Variants in TRPM3 observed in about 807,000 individuals in gnomAD.
TRPM3 encodes the protein long transient receptor potential channel 3.
In TRPM3, 77 loss-of-function variants were observed where a neutral mutation model predicts 181.2. The observed-to-expected ratio is 0.42, with a 90% confidence interval of 0.35 to 0.51. The LOEUF is 0.51. TRPM3 is among the 20% of genes least tolerant of loss of function. TRPM3 has a pLI of 0.01. For synonymous variants in TRPM3, 745 were observed against 796.4 expected, an observed-to-expected ratio of 0.94 and a Z score of 1.09; for missense variants, 1,759 against 2,196.7, an observed-to-expected ratio of 0.80 and a Z score of 3.98.
intron 1 of TRPM3, among the ~76,000 whole-genome samples, chr9:70,888,141 G>A (rs552903215): frequency 6.6e-6 from 1 of 152,234 alleles, no homozygotes; most frequent in Non-Finnish European, 1.5e-5. Context: ...AACCAAGAAG[G>A]CGTATTAACT....
intron 1 of TRPM3, among the ~76,000 whole-genome samples, chr9:71,176,663 C>T (rs1267333010): frequency 1.3e-5 from 2 of 152,026 alleles, no homozygotes; most frequent in African/African-American, 4.8e-5. Flanking sequence ...CCTTCACATT[C>T]ACTCACCACT....
Position 71,394,303 on chromosome 9 carries a change from A to G in TRPM3, c.183+52350T>C, listed in dbSNP as rs1398804136. ...TAATTTTAAATTTAAAAAACAGGAA[A>G]CTAAATTGTGTATATTGTATGACTT... On this transcript the variant is annotated intron_variant, in intron 1 of 24. Coordinates refer to the TRPM3 transcript ENST00000357533. Among the ~76,000 whole-genome samples the G allele has an allele frequency of 2.6e-5, 4 of 152,204 alleles. No homozygotes were observed. In the East Asian group the frequency reaches 7.7e-4, roughly 29 times the overall value.
At chr9:70,603,767 T>A (rs1376588271) in intron 19 of TRPM3, among the ~76,000 whole-genome samples, 1 of 152,190 alleles carries the variant, frequency 6.6e-6, no homozygotes, top group Non-Finnish European at 1.5e-5. Context: ...TTTTTGTGTG[T>A]TTTCTTGGCT....
At chr9:71,130,757 G>C (rs561403110) in intron 1 of TRPM3, among the ~76,000 whole-genome samples, 1 of 152,104 alleles carries the variant, frequency 6.6e-6, no homozygotes, top group South Asian at 2.1e-4. Flanking sequence ...ACAACCAGCT[G>C]TCTCTGGGAA....
At chr9:71,239,987 G>A (rs973011852) in intron 1 of TRPM3, among the ~76,000 whole-genome samples, 1 of 152,118 alleles carries the variant, frequency 6.6e-6, no homozygotes, top group African/African-American at 2.4e-5. Flanking sequence ...AATTAGGGCA[G>A]CCTGTGGAAT....
intron 1 of TRPM3, among the ~76,000 whole-genome samples, chr9:71,040,678 C>T (rs997850258): frequency 2.0e-5 from 3 of 152,030 alleles, no homozygotes; most frequent in African/African-American, 7.2e-5. Flanking sequence ...CAGAGAAGAA[C>T]AGAAGACAAA....
intron 8 of TRPM3, among the ~76,000 whole-genome samples, chr9:70,740,637 A>G (rs1323925687): frequency 6.6e-6 from 1 of 152,226 alleles, no homozygotes; most frequent in African/African-American, 2.4e-5. Flanking sequence ...TGGCACATAA[A>G]CCAATGGAAC....
chr9:71,197,017 C>T lies in TRPM3; in HGVS notation c.183+249636G>A, dbSNP rs150835583. Among the ~76,000 whole-genome samples the T allele has an allele frequency of 5.7e-3, 864 of 152,138 alleles. 13 individuals carry two copies. Among genetic ancestry groups the T allele is most frequent in the African/African-American group, 0.02 (830 of 41,524 alleles). ...ATATCTCCCAATGCTATCTCTCCCC[C>T]GACTTCCCACACCCCACAAGAGTCC... On this transcript the variant is annotated intron_variant, in intron 1 of 24. Transcript: ENST00000357533.
intron 1 of TRPM3, among the ~76,000 whole-genome samples, chr9:71,324,498 A>G (rs1433714152): frequency 1.3e-5 from 2 of 151,770 alleles, no homozygotes; most frequent in African/African-American, 4.8e-5. Flanking sequence ...AGAAAAGGGA[A>G]CTCTTATACA....
intron 9 of TRPM3, among the ~76,000 whole-genome samples, chr9:70,667,627 G>A (rs2062026051): frequency 6.6e-6 from 1 of 152,146 alleles, no homozygotes; most frequent in Admixed American, 6.5e-5. Context: ...CATTCTGTCT[G>A]CTTCTTAAAA....
chr9:71,150,961 G>A (rs1394921836), intron 1 of TRPM3, among the ~76,000 whole-genome samples: 1 of 152,124 alleles, frequency 6.6e-6, no homozygotes, highest in Non-Finnish European at 1.5e-5. Context: ...GATATAAGTG[G>A]CATGCTGAAT....
chr9:71,046,558 T>C (rs1367887837), intron 1 of TRPM3, among the ~76,000 whole-genome samples: 1 of 152,186 alleles, frequency 6.6e-6, no homozygotes, highest in African/African-American at 2.4e-5. Context: ...TCCAAAAGGA[T>C]TTCCAGGTTA....
At chr9:71,032,066 ATTAT>A (rs1301697733) in intron 1 of TRPM3, among the ~76,000 whole-genome samples, 138 of 7,320 alleles carry the variant, frequency 0.019, 28 homozygotes, top group East Asian at 0.25. Flanking sequence ...TATTATATAT[ATTAT>A]ATTATATTAT....
chr9:71,222,155 A>T (rs1381352618), intron 1 of TRPM3, among the ~76,000 whole-genome samples: 1 of 152,260 alleles, frequency 6.6e-6, no homozygotes, highest in Non-Finnish European at 1.5e-5. Context: ...TAAATAGATA[A>T]TGAACAAATG....
chr9:71,302,898 C>T (rs976006096), intron 1 of TRPM3, among the ~76,000 whole-genome samples: 19 of 151,828 alleles, frequency 1.3e-4, no homozygotes, highest in African/African-American at 4.4e-4. Flanking sequence ...AAGAAAAAAG[C>T]ATAGTGCTAT....
chr9:71,183,549 T>C (rs1160900706), intron 1 of TRPM3, among the ~76,000 whole-genome samples: 1 of 152,136 alleles, frequency 6.6e-6, no homozygotes, highest in African/African-American at 2.4e-5. Flanking sequence ...TAATATTTAT[T>C]ATTATATACT....
In TRPM3 at chr9:70,620,101, A is replaced by G; in HGVS notation, c.2104T>C (p.Ser702Pro). The G allele has an allele frequency of 6.2e-7, 1 of 1,607,196 alleles. No individual in the cohort carries two copies. Among genetic ancestry groups the G allele is most frequent in the Non-Finnish European group, 8.5e-7 (1 of 1,174,298 alleles). Residue 702 changes from serine to proline, a missense_variant, in exon 16 of 26, where the codon TCC becomes CCC. Ser to Pro is a moderately conservative substitution (Grantham distance 74). This residue lies in a region of TRPM3 where 737 missense variants were observed against 957.4 expected (regional missense o/e 0.77). Transcript: ENST00000677713. ...ASENDMVDDI[S>P]QELNHNSRDF... ...CTGGAATTGTGATTCAGCTCCTGGGAAATGTCGTCAACCATGTCGTTCTCA... is the reference window on the plus strand; with the variant it reads ...CTGGAATTGTGATTCAGCTCCTGGGGAATGTCGTCAACCATGTCGTTCTCA...
intron 12 of TRPM3, among the ~76,000 whole-genome samples, chr9:70,632,510 C>T (rs898213729): frequency 7.2e-5 from 11 of 152,252 alleles, no homozygotes; most frequent in African/African-American, 2.6e-4. Context: ...TACTTTTTCC[C>T]AAGGGAAGAA....
At chr9:70,886,530 C>T (rs921643922) in intron 1 of TRPM3, among the ~76,000 whole-genome samples, 44 of 152,074 alleles carry the variant, frequency 2.9e-4, no homozygotes, top group African/African-American at 1.0e-3. Flanking sequence ...CCTTTGCTGC[C>T]CTGAACTCAG....
Sources: gnomAD v4.1 joint callset for allele counts (sites outside exome capture counted in the v4.1 genomes callset) on GRCh38, gnomAD v4.1.1 for gene constraint, gnomAD v4.1.1 regional missense constraint, MANE v1.5 for transcripts, NCBI Gene and HGNC (gene_info 2026-07-23, HGNC 2026-07-21) for gene names.